The following ZMYM2 variants were observed in gnomAD, a reference collection of about 807,000 sequenced individuals.
ZMYM2 encodes zinc finger MYM-type containing 2.
A neutral mutation model predicts 162.8 loss-of-function variants in ZMYM2; 56 were observed. The ratio of observed to expected loss-of-function variants is 0.34; its 90% confidence interval spans 0.28 to 0.43. ZMYM2 has a LOEUF of 0.43. Ranked by LOEUF, ZMYM2 falls within the 20% of genes least tolerant of loss-of-function variation. ZMYM2 has a pLI of 1.00. For synonymous variants in ZMYM2, 510 were observed against 541.6 expected, an observed-to-expected ratio of 0.94 and a Z score of 0.81; for missense variants, 1,275 against 1,621.8, an observed-to-expected ratio of 0.79 and a Z score of 3.67.
At chr13:19,898,064 G>A in the ZMYM2 span, among the ~76,000 whole-genome samples, 7 of 152,092 alleles carry the variant, frequency 4.6e-5, no homozygotes, top group Non-Finnish European at 4.4e-5. Context: ...GTACACATGG[G>A]AAATTCTCCA....
intron 7 of ZMYM2, among the ~76,000 whole-genome samples, chr13:20,021,640 C>T (rs568821190): frequency 4.6e-5 from 7 of 152,210 alleles, no homozygotes; most frequent in African/African-American, 1.4e-4. Context: ...AATCATCCCC[C>T]GTATTACAAG....
At chr13:20,010,144 G>T (rs1025425029) in intron 6 of ZMYM2, among the ~76,000 whole-genome samples, 2 of 152,056 alleles carry the variant, frequency 1.3e-5, no homozygotes, top group Non-Finnish European at 2.9e-5. Context: ...TCATGGTTTT[G>T]ATTTGCATTT....
chr13:19,884,764 A>AT, the ZMYM2 span, among the ~76,000 whole-genome samples: 1 of 152,136 alleles, frequency 6.6e-6, no homozygotes. Context: ...GCTCTTCAAC[A>AT]TAGTGCCGAC....
chr13:19,954,363 G>A (rs186902506), upstream of ZMYM2, among the ~76,000 whole-genome samples: 4 of 151,762 alleles, frequency 2.6e-5, no homozygotes, highest in Non-Finnish European at 4.4e-5. Flanking sequence ...TGATCCGCCC[G>A]CCTCGGCCTC....
intron 21 of ZMYM2, chr13:20,068,045 G>C (rs1956809451): frequency 5.8e-6 from 1 of 172,860 alleles, no homozygotes; most frequent in Non-Finnish European, 1.3e-5. Flanking sequence ...AAGAAAACTA[G>C]AATTGTCTTA....
chr13:19,975,106 C>A (rs911551212), intron 2 of ZMYM2, among the ~76,000 whole-genome samples: 1 of 149,388 alleles, frequency 6.7e-6, no homozygotes, highest in Admixed American at 6.7e-5. Flanking sequence ...TACGATATGA[C>A]AAAAATTTTC....
chr13:20,001,921 T>C (rs1950420806), intron 3 of ZMYM2, among the ~76,000 whole-genome samples: 1 of 152,230 alleles, frequency 6.6e-6, no homozygotes. Flanking sequence ...TAGACTACAT[T>C]ATAGTGTAAA....
At chr13:19,959,149 C>G (rs889653888) in intron 1 of ZMYM2, among the ~76,000 whole-genome samples, 1 of 148,130 alleles carries the variant, frequency 6.8e-6, no homozygotes, top group African/African-American at 2.5e-5. Context: ...AGGCGGCCGC[C>G]AGCGGCGGGG....
At chr13:19,893,631 T>G in the ZMYM2 span, among the ~76,000 whole-genome samples, 1 of 151,166 alleles carries the variant, frequency 6.6e-6, no homozygotes, top group Non-Finnish European at 1.5e-5. Flanking sequence ...TCCCAGCTAC[T>G]TGGGAGGCTG....
intron 14 of ZMYM2, among the ~76,000 whole-genome samples, chr13:20,054,152 C>T (rs565106126): frequency 1.3e-5 from 2 of 152,310 alleles, no homozygotes; most frequent in East Asian, 3.9e-4. Context: ...TCTTCTAATT[C>T]TCCACCCATA....
chr13:19,974,266 G>A (rs1413148121), intron 2 of ZMYM2, among the ~76,000 whole-genome samples: 2 of 152,098 alleles, frequency 1.3e-5, no homozygotes, highest in Admixed American at 1.3e-4. Flanking sequence ...TGTGTGGTGC[G>A]TTTATGCATT....
intron 22 of ZMYM2, 84 bp from the exon 23 acceptor site, chr13:20,082,697 T>TA (rs1473373944): frequency 8.3e-7 from 1 of 1,211,644 alleles, no homozygotes; most frequent in Non-Finnish European, 1.1e-6. Context: ...GATTTGTCCT[T>TA]AAATTAACTG....
intron 5 of ZMYM2, 68 bp downstream of exon 5, chr13:20,005,307 T>C: frequency 8.5e-7 from 1 of 1,179,074 alleles, no homozygotes; most frequent in Non-Finnish European, 1.2e-6. Flanking sequence ...ATTTAAGAAC[T>C]ATTAGATAAT....
chr13:20,004,953 A>G, intron 4 of ZMYM2, 121 bp from the exon 5 acceptor site: 3 of 675,674 alleles, frequency 4.4e-6, no homozygotes, highest in Non-Finnish European at 6.8e-6. Flanking sequence ...ATGATTTATT[A>G]GATCCAAGAA....
At chr13:19,902,241 A>C in the ZMYM2 span, among the ~76,000 whole-genome samples, 1 of 152,370 alleles carries the variant, frequency 6.6e-6, no homozygotes, top group South Asian at 2.1e-4. Context: ...GTGATTAAGT[A>C]AAATGGGGAA....
At chr13:19,960,217 T>C (rs1224580104) in intron 2 of ZMYM2, among the ~76,000 whole-genome samples, 191 bp downstream of exon 2, 1 of 152,214 alleles carries the variant, frequency 6.6e-6, no homozygotes, top group African/African-American at 2.4e-5. Context: ...TTTCCACCGC[T>C]GCAGACATCG....
chr13:20,075,789 C>T (rs1410773268), intron 21 of ZMYM2, among the ~76,000 whole-genome samples: 1 of 146,456 alleles, frequency 6.8e-6, no homozygotes, highest in East Asian at 2.0e-4. Context: ...TTAAGCAATT[C>T]TTCTGCCTCA....
chr13:20,086,985 G>A lies in ZMYM2; in HGVS notation c.*971G>A. ...TACAGATCATGCTGCAATGTTAGCT[G>A]TGTAGTACTCTAAAACTTAGCAATT... On this transcript the variant is annotated 3_prime_UTR_variant, in exon 25 of 25. Coordinates refer to ENST00000610343, the MANE Select transcript of ZMYM2 (RefSeq NM_197968.4). 5.5e-6 allele frequency: 1 copy of A among 182,120 alleles called. No individual in the cohort carries two copies. Among genetic ancestry groups the A allele is most frequent in the Non-Finnish European group, 1.2e-5 (1 of 85,540 alleles). 11.3% of individuals were successfully genotyped at this position (182,120 alleles called of 1,614,324 possible). A position where few individuals can be genotyped will look rare whatever the true frequency, so the allele number is the denominator to read the frequency against.
intron 12 of ZMYM2, among the ~76,000 whole-genome samples, chr13:20,042,944 G>A (rs1298295065): frequency 6.6e-6 from 1 of 152,012 alleles, no homozygotes; most frequent in Non-Finnish European, 1.5e-5. Context: ...AACTGGTCTC[G>A]AACTCCTGAC....
Sources: gnomAD v4.1 joint callset for allele counts (sites outside exome capture counted in the v4.1 genomes callset) on GRCh38, gnomAD v4.1.1 for gene constraint, MANE v1.5 for transcripts, NCBI Gene and HGNC (gene_info 2026-07-23, HGNC 2026-07-21) for gene names.